SMARCA4: variants seen among roughly 807,000 people sequenced by gnomAD.
SMARCA4 encodes the protein SWI/SNF related BAF chromatin remodeling complex subunit ATPase 4, also known as SWI/SNF-related matrix-associated actin-dependent regulator of chromatin subfamily A member 4.
A neutral mutation model predicts 193.9 loss-of-function variants in SMARCA4; 31 were observed. The ratio of observed to expected loss-of-function variants is 0.16; its 90% CI spans 0.12 to 0.22. The LOEUF (loss-of-function observed/expected upper bound fraction) is 0.22. SMARCA4 is among the 10% of genes least tolerant of loss of function. The probability of loss-of-function intolerance (pLI) is 1.00; values close to 1 mark genes in which losing one functional copy is unlikely to be tolerated. For synonymous variants in SMARCA4, 942 were observed against 933.1 expected (o/e 1.01, Z -0.17); for missense variants, 1,148 against 2,296.0 (o/e 0.50, Z 10.22).
chr19:11,019,233 C>A lies in SMARCA4; in HGVS notation c.2505+210C>A. 1 of 650,900 alleles carries A rather than the reference C, an allele frequency of 1.5e-6. No homozygotes were observed. The highest frequency in any genetic ancestry group is 1.8e-5 in the African/African-American group (1 of 56,166). 40.3% of individuals were successfully genotyped at this position (650,900 alleles called of 1,614,324 possible). On this transcript the variant is annotated intron_variant, in intron 17 of 34. Transcript: ENST00000344626. The surrounding 1 kb of genome is among the most constrained non-coding windows in gnomAD (Gnocchi z 6.1). ...GCAGATTAGCTCACTGGGGAGGAGA[C>A]AGGAGTGAGCATGGTGGCCAGCACT...
At chr19:10,992,670 C>T (rs2086661742) in intron 8 of SMARCA4, among the ~76,000 whole-genome samples, 1 of 151,786 alleles carries the variant, frequency 6.6e-6, no homozygotes, top group South Asian at 2.1e-4. Flanking sequence ...TTCGACACAA[C>T]CTCTGCCTCC....
chr19:11,026,795 G>T (rs575600646), intron 23 of SMARCA4, among the ~76,000 whole-genome samples: 3 of 152,028 alleles, frequency 2.0e-5, no homozygotes, highest in Non-Finnish European at 4.4e-5. Context: ...CACCGCGCCC[G>T]GCCCCATTAT....
chr19:11,059,621 G>A (rs1324575389), intron 32 of SMARCA4, 132 bp from the exon 33 acceptor site: 10 of 1,025,020 alleles, frequency 9.8e-6, no homozygotes, highest in Middle Eastern at 2.2e-4. Context: ...GCCCCGACCC[G>A]CTGAGGCTCG....
chr19:11,021,685 T>G (rs2089887014), intron 18 of SMARCA4, 40 bp from the exon 19 acceptor site: 1 of 1,580,130 alleles, frequency 6.3e-7, no homozygotes, highest in African/African-American at 1.3e-5. Context: ...CCGGGCCACC[T>G]GCTGCCCCCT....
chr19:11,023,476 T>G (rs2090020651), intron 19 of SMARCA4, 42 bp from the exon 20 acceptor site: 1 of 1,293,032 alleles, frequency 7.7e-7, no homozygotes, highest in Non-Finnish European at 1.1e-6. Context: ...GTCGCCCTCC[T>G]TTGGAGGTAA....
In SMARCA4 at chr19:10,984,479, G is replaced by C. The variant is rs2145731878; in HGVS notation, c.222+106G>C. 6.5e-7 allele frequency: 1 copy of C among 1,541,982 alleles called. No individual in the cohort carries two copies. Among genetic ancestry groups the C allele is most frequent in the African/African-American group, 1.4e-5 (1 of 73,032 alleles). ...TTGGAGGATGGGGGGAAGCCTTCTT[G>C]TTGGAGGTGTCCTGCCTTGGCTCAG... is the stretch of plus-strand genomic sequence containing the variant. On this transcript the variant is annotated intron_variant, in intron 2 of 34. Transcript: ENST00000344626. This position sits in a 1 kb window ranked among gnomAD's most constrained non-coding sequence, Gnocchi z 4.3.
chr19:11,044,745 T>C (rs548021190), intron 30 of SMARCA4, among the ~76,000 whole-genome samples: 44 of 152,292 alleles, frequency 2.9e-4, no homozygotes, highest in African/African-American at 9.6e-4. Flanking sequence ...CTGCAGAAGA[T>C]AATATTTTCT....
At chr19:11,048,218 T>C (rs2076059249) in intron 30 of SMARCA4, among the ~76,000 whole-genome samples, 1 of 152,082 alleles carries the variant, frequency 6.6e-6, no homozygotes, top group Non-Finnish European at 1.5e-5. Context: ...CTTCTTTTTG[T>C]TTAATTGGAT....
At position 11,005,111 on chromosome 19, in the gene SMARCA4, C is replaced by T. The variant is rs542250344; in HGVS notation, c.2001+1714C>T. ...TTGGCCTCCCAAAGTGTTGGGATTA[C>T]AGGCGTGAGCCACCACGCCTGGCCT... On this transcript the variant is annotated intron_variant, in intron 13 of 34. Coordinates refer to ENST00000344626, the MANE Select transcript of SMARCA4 (RefSeq NM_003072.5). 7.9e-5 allele frequency among the ~76,000 whole-genome samples: 12 copies of T among 152,332 alleles called. No individual in the cohort carries two copies. In the South Asian group the frequency reaches 1.5e-3, roughly 18 times the overall value.
intron 32 of SMARCA4, among the ~76,000 whole-genome samples, chr19:11,059,381 G>GA (rs773409817): frequency 1.7e-4 from 26 of 152,284 alleles, no homozygotes; most frequent in Non-Finnish European, 3.5e-4. Flanking sequence ...ATTCCTCTCA[G>GA]AAAAAAGACT....
chr19:11,031,023 C>A lies in SMARCA4; in HGVS notation c.3546+130C>A. The stretch of plus-strand genomic sequence containing the variant: ...CTTGGACCCCAGGAGCCGGGAGGAG[C>A]TGCACCCATATCTCCATAGGTCATC... On this transcript the variant is annotated intron_variant, in intron 25 of 34. Coordinates refer to ENST00000344626, the MANE Select transcript of SMARCA4 (RefSeq NM_003072.5). The surrounding 1 kb of genome is among the most constrained non-coding windows in gnomAD (Gnocchi z 4.3). 1 of 847,062 alleles carries A rather than the reference C, an allele frequency of 1.2e-6. No homozygotes were observed. Among genetic ancestry groups the A allele is most frequent in the Non-Finnish European group, 1.9e-6 (1 of 519,054 alleles). 52.5% of individuals were successfully genotyped at this position (847,062 alleles called of 1,614,324 possible). A position where few individuals can be genotyped will look rare whatever the true frequency, so the allele number is the denominator to read the frequency against.
At chr19:11,037,008 TC>T (rs1442958703) in intron 29 of SMARCA4, among the ~76,000 whole-genome samples, 1 of 152,248 alleles carries the variant, frequency 6.6e-6, no homozygotes, top group Admixed American at 6.5e-5. Flanking sequence ...TACAGATTTG[TC>T]ACATTCGGTT....
intron 30 of SMARCA4, among the ~76,000 whole-genome samples, chr19:11,054,913 G>A (rs1326658036): frequency 6.6e-6 from 1 of 152,172 alleles, no homozygotes; most frequent in East Asian, 1.9e-4. Flanking sequence ...TGGGAGCGGA[G>A]CTAGGGGCAC....
intron 1 of SMARCA4, among the ~76,000 whole-genome samples, chr19:10,974,238 T>C (rs907128740): frequency 6.6e-6 from 1 of 152,148 alleles, no homozygotes; most frequent in African/African-American, 2.4e-5. Context: ...AGGGGTGGCG[T>C]GAAAGAAGAG....
Position 11,019,183 on chromosome 19 carries a change from G to T in SMARCA4, c.2505+160G>T. 3 of 711,780 alleles carry T rather than the reference G, an allele frequency of 4.2e-6. 1 individual carries two copies. The South Asian group carries it at 4.4e-5, about 11-fold the overall frequency. 44.1% of individuals were successfully genotyped at this position (711,780 alleles called of 1,614,324 possible). A position where few individuals can be genotyped will look rare whatever the true frequency, so the allele number is the denominator to read the frequency against. Reference sequence around the variant, plus strand: ...CTGGAACTCCAGTCACATGGATCCGGGAGTTTGGACTGGGCAGGGACAGGG... The same window carrying T: ...CTGGAACTCCAGTCACATGGATCCGTGAGTTTGGACTGGGCAGGGACAGGG... On this transcript the variant is annotated intron_variant, in intron 17 of 34. Coordinates refer to ENST00000344626, the MANE Select transcript of SMARCA4 (RefSeq NM_003072.5). This position sits in a 1 kb window ranked among gnomAD's most constrained non-coding sequence, Gnocchi z 6.1.
rs185029437 is a variant in SMARCA4, at chr19:11,060,686, C to T, written c.4911+499C>T. On this transcript the variant is annotated intron_variant, in intron 34 of 34. Transcript: ENST00000344626. ...GCTTTAAATAATCTCACCTCTGTCT[C>T]TGGCCCTTCCTGGCTGTGGGACCTG... 2.6e-5 allele frequency among the ~76,000 whole-genome samples: 4 copies of T among 152,354 alleles called. No individual in the cohort carries two copies. The East Asian group carries it at 7.7e-4, about 29-fold the overall frequency.
chr19:11,051,549 A>AT, intron 30 of SMARCA4, among the ~76,000 whole-genome samples: 1 of 145,816 alleles, frequency 6.9e-6, no homozygotes, highest in South Asian at 2.1e-4. Context: ...GGAGTGCAGT[A>AT]GCCTGATCTC....
chr19:10,967,512 A>G (rs1027594614), intron 1 of SMARCA4, among the ~76,000 whole-genome samples: 4 of 149,096 alleles, frequency 2.7e-5, no homozygotes, highest in African/African-American at 5.0e-5. Flanking sequence ...GGGTTTCACC[A>G]TGTTAGCCAG....
At chr19:11,043,769 T>C (rs1280579985) in intron 30 of SMARCA4, among the ~76,000 whole-genome samples, 1 of 152,058 alleles carries the variant, frequency 6.6e-6, no homozygotes, top group African/African-American at 2.4e-5. Flanking sequence ...AAGTTAGGAG[T>C]TTGAGACCAG....
Sources: gnomAD v4.1 joint callset for allele counts (sites outside exome capture counted in the v4.1 genomes callset) on GRCh38, gnomAD v4.1.1 for gene constraint, Gnocchi (gnomAD v3.1) non-coding constraint, MANE v1.5 for transcripts, NCBI Gene and HGNC (gene_info 2026-07-23, HGNC 2026-07-21) for gene names.